Variants in VARS1 observed in about 807,000 individuals in gnomAD.
The protein encoded by VARS1 is valyl-tRNA synthetase 1.
A neutral mutation model predicts 161.0 loss-of-function variants in VARS1; 92 were observed. The ratio of observed to expected loss-of-function variants is 0.57; its 90% CI spans 0.48 to 0.68. The LOEUF (loss-of-function observed/expected upper bound fraction) is 0.68. Among genes scored for constraint, VARS1 ranks in the 30% least tolerant of loss-of-function variants. VARS1 has a pLI of 0.00. For missense variants in VARS1, 1,338 were observed against 1,695.9 expected (o/e 0.79, Z 3.71); for synonymous variants, 595 against 682.5 (o/e 0.87, Z 2.00).
Position 31,782,515 on chromosome 6 carries a change from G to C in VARS1, c.1991+15C>G. ...AGCCCTCCATCTTCCTCCCGTCCCA[G>C]GCCCCCACCCTCACTTGCAAAGTGG... On this transcript the variant is annotated intron_variant, in intron 16 of 29. Coordinates refer to ENST00000375663, the MANE Select transcript of VARS1 (RefSeq NM_006295.3). This position sits in a 1 kb window ranked among gnomAD's most constrained non-coding sequence, Gnocchi z 8.3. 2 of 1,612,958 alleles carry C rather than the reference G, an allele frequency of 1.2e-6. No homozygotes were observed. Among genetic ancestry groups the C allele is most frequent in the Non-Finnish European group, 1.7e-6 (2 of 1,180,008 alleles).
rs1813334129 is a variant in VARS1 at position 31,784,129 on chromosome 6, G to A, written c.1671+85C>T. ...AACCCAGTTTCCTCTCCTCAGCCAG[G>A]GGCCTAAGTCCAACCCCTCCACCCC... is the stretch of plus-strand genomic sequence containing the variant. On this transcript the variant is annotated intron_variant, in intron 13 of 29. Transcript: ENST00000375663. This position sits in a 1 kb window ranked among gnomAD's most constrained non-coding sequence, Gnocchi z 6.1. The A allele has an allele frequency of 2.7e-6, 4 of 1,489,986 alleles. No homozygotes were observed. The East Asian group carries it at 6.8e-5, about 25-fold the overall frequency. 92.3% of individuals were successfully genotyped at this position (1,489,986 alleles called of 1,614,324 possible).
Position 31,782,422 on chromosome 6 carries a change from C to T in VARS1, c.2013G>A (p.Glu671=). ...PLCNRSKDVV[E]PLLRPQWYVR... is the part of the protein sequence containing the mutation. ...CGTACCACTGCGGCCGCAGCAGAGGCTCTACCACGTCCTTCGACCGGCTGG... is the reference window on the plus strand; with the variant it reads ...CGTACCACTGCGGCCGCAGCAGAGGTTCTACCACGTCCTTCGACCGGCTGG... Residue 671 remains glutamate (E), a synonymous_variant, in exon 17 of 30, where the codon GAG becomes GAA. Coordinates refer to ENST00000375663, the MANE Select transcript of VARS1 (RefSeq NM_006295.3). This position sits in a 1 kb window ranked among gnomAD's most constrained non-coding sequence, Gnocchi z 8.3. 1.2e-6 allele frequency: 2 copies of T among 1,612,376 alleles called. No homozygotes were observed. The highest frequency in any genetic ancestry group is 1.7e-6 in the Non-Finnish European group (2 of 1,179,718).
chr6:31,788,960 C>G (rs192791820), intron 8 of VARS1, among the ~76,000 whole-genome samples: 4 of 152,030 alleles, frequency 2.6e-5, no homozygotes, highest in African/African-American at 9.6e-5. Flanking sequence ...TATTTTTTGA[C>G]CACATTAATT....
rs371420445 is a variant in VARS1, at chr6:31,795,198, G to A, written c.20C>T (p.Ser7Phe). 477 of 1,462,230 alleles carry A rather than the reference G, an allele frequency of 3.3e-4. 1 individual carries two copies. The highest frequency in any genetic ancestry group is 4.1e-4 in the Non-Finnish European group (450 of 1,107,940). 90.6% of individuals were successfully genotyped at this position (1,462,230 alleles called of 1,614,324 possible). A position where few individuals can be genotyped will look rare whatever the true frequency, so the allele number is the denominator to read the frequency against. Residue 7 changes from serine to phenylalanine, a missense_variant, in exon 2 of 30, where the codon TCC (serine) becomes TTC (phenylalanine). Transcript: ENST00000375663. This position sits in a 1 kb window ranked among gnomAD's most constrained non-coding sequence, Gnocchi z 6.9. MSTLYV[S>F]PHPDAFPSLR... ...GCTGGGGAAGGCATCTGGGTGAGGG[G>A]AGACGTAGAGGGTGGACATAGTTAT...
At position 31,783,181 on chromosome 6, in the gene VARS1, C is replaced by T; in HGVS notation, c.1677G>A (p.Leu559=). The T allele has an allele frequency of 6.2e-7, 1 of 1,612,540 alleles. No homozygotes were observed. The highest frequency in any genetic ancestry group is 8.5e-7 in the Non-Finnish European group (1 of 1,179,842). ...ATGGGTGGATCACGTTCTTCCCCTT[C>T]AGGTGCTGGGGGCGGAAAGATACCA... is the stretch of plus-strand genomic sequence containing the variant. ...VHPKDTRYQH[L]KGKNVIHPFL... Residue 559 remains leucine (L), a synonymous_variant, in exon 14 of 30, where the codon CTG becomes CTA. Transcript: ENST00000375663.
Position 31,782,050 on chromosome 6 carries a change from AG to A in VARS1, c.2241+36del, listed in dbSNP as rs764330687. On this transcript the variant is annotated intron_variant, in intron 18 of 29. Coordinates refer to ENST00000375663, the MANE Select transcript of VARS1 (RefSeq NM_006295.3). The surrounding 1 kb of genome is among the most constrained non-coding windows in gnomAD (Gnocchi z 8.3). Reference sequence around the variant, plus strand: ...GACCCAGTAAACCCACCACTCCAGCAGGGTGTCCCAGCAGCTAGCTCTGGCC... The same window carrying A: ...GACCCAGTAAACCCACCACTCCAGCAGGTGTCCCAGCAGCTAGCTCTGGCC... The A allele has an allele frequency of 5.0e-6, 8 of 1,612,316 alleles. No individual in the cohort carries two copies. Among genetic ancestry groups the A allele is most frequent in the Admixed American group, 1.7e-5 (1 of 59,970 alleles).
rs1813076754 is a variant in VARS1 at position 31,780,648 on chromosome 6, G to T, written c.2797+57C>A. The T allele has an allele frequency of 6.2e-7, 1 of 1,613,208 alleles. No individual in the cohort carries two copies. Among genetic ancestry groups the T allele is most frequent in the Admixed American group, 1.7e-5 (1 of 59,986 alleles). On this transcript the variant is annotated intron_variant, in intron 24 of 29. Transcript: ENST00000375663. This position sits in a 1 kb window ranked among gnomAD's most constrained non-coding sequence, Gnocchi z 5.1. Reference sequence around the variant, plus strand: ...CCAGAGGCTCAGGGTGGAGAAGAGGGATGGGCCTCACAGAAGGAGGAAGGA... The same window carrying T: ...CCAGAGGCTCAGGGTGGAGAAGAGGTATGGGCCTCACAGAAGGAGGAAGGA...
intron 8 of VARS1, among the ~76,000 whole-genome samples, chr6:31,788,373 G>A (rs1581652372): frequency 1.3e-5 from 2 of 150,936 alleles, no homozygotes; most frequent in African/African-American, 4.9e-5. Flanking sequence ...GGTGGCATGC[G>A]CCTGTAATCC....
chr6:31,784,183 A>G lies in VARS1; in HGVS notation c.1671+31T>C, dbSNP rs1348051260. The stretch of plus-strand genomic sequence containing the variant: ...AGGATGGGAGCCCTTTTTGGCCAGA[A>G]CTCCTTCCCTAACTGTGGACAGTCC... On this transcript the variant is annotated intron_variant, in intron 13 of 29. Coordinates refer to ENST00000375663, the MANE Select transcript of VARS1 (RefSeq NM_006295.3). This position sits in a 1 kb window ranked among gnomAD's most constrained non-coding sequence, Gnocchi z 6.1. 6.2e-7 allele frequency: 1 copy of G among 1,612,382 alleles called. No individual in the cohort carries two copies. The highest frequency in any genetic ancestry group is 8.5e-7 in the Non-Finnish European group (1 of 1,179,370).
At position 31,782,953 on chromosome 6, in the gene VARS1, C is replaced by A; in HGVS notation, c.1763-108G>T. Reference sequence around the variant, plus strand: ...GCTCCGAGACCACTCCTGGCCCCCACTTGTCTAATACAGTCCCTTGAGAAC... The same window carrying A: ...GCTCCGAGACCACTCCTGGCCCCCAATTGTCTAATACAGTCCCTTGAGAAC... On this transcript the variant is annotated intron_variant, in intron 14 of 29. Coordinates refer to ENST00000375663, the MANE Select transcript of VARS1 (RefSeq NM_006295.3). This position sits in a 1 kb window ranked among gnomAD's most constrained non-coding sequence, Gnocchi z 8.3. The A allele has an allele frequency of 6.5e-7, 1 of 1,527,216 alleles. No individual in the cohort carries two copies. Among genetic ancestry groups the A allele is most frequent in the Non-Finnish European group, 8.8e-7 (1 of 1,134,436 alleles). The allele number at this position is 1,527,216 out of a possible 1,614,324, so 94.6% of individuals were successfully genotyped here. A position where few individuals can be genotyped will look rare whatever the true frequency, so the allele number is the denominator to read the frequency against.
chr6:31,793,443 T>C (rs1814035254), intron 2 of VARS1, among the ~76,000 whole-genome samples: 1 of 151,442 alleles, frequency 6.6e-6, no homozygotes, highest in Non-Finnish European at 1.5e-5. Context: ...GAGGTGGAGC[T>C]TGCAGTGAGC....
chr6:31,794,847 G>C lies in VARS1; in HGVS notation c.371C>G (p.Ser124Trp). 2.0e-5 allele frequency: 32 copies of C among 1,604,448 alleles called. No homozygotes were observed. The highest frequency in any genetic ancestry group is 2.7e-5 in the Non-Finnish European group (32 of 1,173,796). ...CCCCCTCACCTGGGGGTCCTGGGCCGAGCTTCGGAGTCCCAGGGCCGGCAG... is the reference window on the plus strand; with the variant it reads ...CCCCCTCACCTGGGGGTCCTGGGCCCAGCTTCGGAGTCCCAGGGCCGGCAG... ...ATLPALGLRS[S>W]AQDPQAVLGA... Residue 124 changes from serine to tryptophan, a missense_variant, in exon 2 of 30, where the codon TCG (serine) becomes TGG (tryptophan). By Grantham distance (177) the Ser-to-Trp change is radical. This residue lies in a region of VARS1 where 902 missense variants were observed against 1,090.3 expected (regional missense o/e 0.83). Coordinates refer to ENST00000375663, the MANE Select transcript of VARS1 (RefSeq NM_006295.3).
rs1812999452 is a variant in VARS1 at position 31,779,644 on chromosome 6, A to AG, written c.3251dup (p.Ser1085Ter). On this transcript the variant is annotated frameshift_variant, in exon 27 of 30. Coordinates refer to ENST00000375663, the MANE Select transcript of VARS1 (RefSeq NM_006295.3). LOFTEE classifies it high-confidence loss of function. This position sits in a 1 kb window ranked among gnomAD's most constrained non-coding sequence, Gnocchi z 9.1. ...CCGGGTAGGGGGTAACACAGAGGCT[A>AG]GGGGGAGCTTGCGGCATCCTCCGGG... is the stretch of plus-strand genomic sequence containing the variant. 1 of 1,612,770 alleles carries AG rather than the reference A, an allele frequency of 6.2e-7. No homozygotes were observed. The highest frequency in any genetic ancestry group is 1.3e-5 in the African/African-American group (1 of 75,024).
In VARS1 at chr6:31,784,600, T is replaced by C. The variant is rs1401785215; in HGVS notation, c.1462A>G (p.Ile488Val). Residue 488 changes from isoleucine to valine, a missense_variant, in exon 11 of 30, where the codon ATT (isoleucine) becomes GTT (valine). Ile to Val is a conservative substitution (Grantham distance 29). Around this residue, in one of 3 missense-constraint regions of VARS1, gnomAD observed 902 missense variants for 1,090.3 expected, o/e 0.83. Transcript: ENST00000375663. This position sits in a 1 kb window ranked among gnomAD's most constrained non-coding sequence, Gnocchi z 6.1. ...SCTLNSAISD[I>V]EVDKKELTGR... ...GGCCAGGTTGGGGGGCGCACCTCAATGTCAGAGATGGCGGAGTTGAGGGTG... is the reference window on the plus strand; with the variant it reads ...GGCCAGGTTGGGGGGCGCACCTCAACGTCAGAGATGGCGGAGTTGAGGGTG... 1 of 1,613,256 alleles carries C rather than the reference T, an allele frequency of 6.2e-7. No homozygotes were observed. Among genetic ancestry groups the C allele is most frequent in the Non-Finnish European group, 8.5e-7 (1 of 1,180,036 alleles).
Position 31,782,365 on chromosome 6 carries a change from G to C in VARS1, c.2070C>G (p.Ser690Arg). The C allele has an allele frequency of 6.2e-7, 1 of 1,612,688 alleles. No individual in the cohort carries two copies. Residue 690 changes from serine (S) to arginine (R), a missense_variant, in exon 17 of 30, where the codon AGC becomes AGG. Coordinates refer to ENST00000375663, the MANE Select transcript of VARS1 (RefSeq NM_006295.3). The surrounding 1 kb of genome is among the most constrained non-coding windows in gnomAD (Gnocchi z 8.3). ...GGAGGTCACCCCGAGTCACAGCGGC[G>C]CTGGCAGCCTGGGCCATCTCCCCGC... ...VRCGEMAQAASAAVTRGDLRI... is the reference protein window; with the variant it reads ...VRCGEMAQAARAAVTRGDLRI...
In VARS1 at chr6:31,782,498, A is replaced by G; in HGVS notation, c.1991+32T>C. 8.7e-6 allele frequency: 14 copies of G among 1,612,770 alleles called. No individual in the cohort carries two copies. Among genetic ancestry groups the G allele is most frequent in the Non-Finnish European group, 1.2e-5 (14 of 1,179,934 alleles). On this transcript the variant is annotated intron_variant, in intron 16 of 29. Coordinates refer to ENST00000375663, the MANE Select transcript of VARS1 (RefSeq NM_006295.3). The surrounding 1 kb of genome is among the most constrained non-coding windows in gnomAD (Gnocchi z 8.3). Reference sequence around the variant, plus strand: ...GCGGTAAAACCCTGAGGAGCCCTCCATCTTCCTCCCGTCCCAGGCCCCCAC... The same window carrying G: ...GCGGTAAAACCCTGAGGAGCCCTCCGTCTTCCTCCCGTCCCAGGCCCCCAC...
chr6:31,783,231 G>A (rs1463810963), intron 13 of VARS1, 45 bp from the exon 14 acceptor site: 9 of 1,584,798 alleles, frequency 5.7e-6, no homozygotes, highest in African/African-American at 2.7e-5. Flanking sequence ...AGGGCCAGAC[G>A]CCGTGATTCC....
rs1157006569 is a variant in VARS1, at chr6:31,784,736, T to A, written c.1348-22A>T. The A allele has an allele frequency of 6.2e-7, 1 of 1,612,416 alleles. No individual in the cohort carries two copies. The highest frequency in any genetic ancestry group is 8.5e-7 in the Non-Finnish European group (1 of 1,179,872). On this transcript the variant is annotated intron_variant, in intron 10 of 29. Coordinates refer to ENST00000375663, the MANE Select transcript of VARS1 (RefSeq NM_006295.3). The surrounding 1 kb of genome is among the most constrained non-coding windows in gnomAD (Gnocchi z 6.1). ...GTTTCTGGGGTGGAGGAGGGAGAAG[T>A]CAGAGAGATGGGCCTTGTGCCTGGA...
At position 31,795,049 on chromosome 6, in the gene VARS1, G is replaced by A. The variant is rs770264754; in HGVS notation, c.169C>T (p.Leu57=). 1.9e-6 allele frequency: 3 copies of A among 1,547,908 alleles called. No homozygotes were observed. Among genetic ancestry groups the A allele is most frequent in the Non-Finnish European group, 1.7e-6 (2 of 1,143,242 alleles). The change falls in exon 2 of 30, where the codon CTG becomes TTG. Residue 57 remains leucine (L), a synonymous_variant. Coordinates refer to ENST00000375663, the MANE Select transcript of VARS1 (RefSeq NM_006295.3). This position sits in a 1 kb window ranked among gnomAD's most constrained non-coding sequence, Gnocchi z 6.9. ...CCGGGCCCCTGCTCCAGGGCCGGCA[G>A]GCGGGGTGGGGGAAAGGGAGTCCTG... The part of the protein sequence containing the change: ...TSRTPFPPPR[L]PALEQGPGGL...
Sources: allele counts gnomAD v4.1 joint callset (sites outside exome capture counted in the v4.1 genomes callset), GRCh38; gene constraint gnomAD v4.1.1; regional missense constraint gnomAD v4.1.1; non-coding constraint Gnocchi (gnomAD v3.1); transcripts MANE v1.5; gene names NCBI Gene and HGNC (gene_info 2026-07-23, HGNC 2026-07-21).